KDM2A: variants seen among roughly 807,000 people sequenced by gnomAD.
KDM2A encodes lysine-specific demethylase 2A.
KDM2A carries 3 observed loss-of-function variants against 137.3 expected under a neutral mutation model. The ratio of observed to expected loss-of-function variants is 0.02; its 90% CI spans 0.01 to 0.06. The LOEUF is 0.06. Ranked by LOEUF, KDM2A falls within the 10% of genes least tolerant of loss-of-function variation. The pLI, the probability that KDM2A is intolerant of heterozygous loss-of-function variation, is 1.00. For missense variants in KDM2A, 738 were observed against 1,510.6 expected, an observed-to-expected ratio of 0.49 and a Z score of 8.48; for synonymous variants, 512 against 541.5, an observed-to-expected ratio of 0.95 and a Z score of 0.76.
In KDM2A at chr11:67,189,267, C is replaced by T. The variant is rs187139317; in HGVS notation, c.307+7375C>T. 2.6e-5 allele frequency among the ~76,000 whole-genome samples: 4 copies of T among 152,196 alleles called. No individual in the cohort carries two copies. In the East Asian group the frequency reaches 7.7e-4, roughly 29 times the overall value. On this transcript the variant is annotated intron_variant, in intron 5 of 20. Transcript: ENST00000529006. ...CAATAACAGGTAAAACTGGAAAGGT[C>T]ACAAAATTGTGGAATTTAACAATCA...
At chr11:67,128,320 G>T (rs767460351) in intron 2 of KDM2A, among the ~76,000 whole-genome samples, 1 of 151,736 alleles carries the variant, frequency 6.6e-6, no homozygotes. Flanking sequence ...GCCTGGACCC[G>T]TTCCCACTCT....
chr11:67,211,887 A>G (rs997471438), intron 6 of KDM2A, among the ~76,000 whole-genome samples: 5 of 152,122 alleles, frequency 3.3e-5, no homozygotes, highest in African/African-American at 1.2e-4. Context: ...ACCACATGCT[A>G]AGCACTGTCT....
chr11:67,175,490 A>G (rs1856957037), intron 2 of KDM2A, among the ~76,000 whole-genome samples: 1 of 152,236 alleles, frequency 6.6e-6, no homozygotes, highest in African/African-American at 2.4e-5. Flanking sequence ...TTCCAGTTGC[A>G]ATAATCAAAA....
At chr11:67,251,912 T>G (rs889241619) in intron 17 of KDM2A, among the ~76,000 whole-genome samples, 2 of 152,248 alleles carry the variant, frequency 1.3e-5, no homozygotes, top group African/African-American at 4.8e-5. Flanking sequence ...TGGCTCTACC[T>G]CTTGGTTTTC....
rs1401859772 is a variant in KDM2A at position 67,192,118 on chromosome 11, T to G, written c.307+10226T>G. Among the ~76,000 whole-genome samples, 5 of 152,312 alleles carry G rather than the reference T, an allele frequency of 3.3e-5. No individual in the cohort carries two copies. In the East Asian group the frequency reaches 5.8e-4, roughly 18 times the overall value. On this transcript the variant is annotated intron_variant, in intron 5 of 20. Coordinates refer to ENST00000529006, the MANE Select transcript of KDM2A (RefSeq NM_012308.3). ...TAAGAAATTAACCTTTTGCCATATTTACTTCATCTCTTTTTGCAGAAGTTT... is the reference window on the plus strand; with the variant it reads ...TAAGAAATTAACCTTTTGCCATATTGACTTCATCTCTTTTTGCAGAAGTTT...
chr11:67,235,978 A>AG (rs1236822708), intron 12 of KDM2A, among the ~76,000 whole-genome samples: 1 of 152,186 alleles, frequency 6.6e-6, no homozygotes, highest in East Asian at 1.9e-4. Context: ...TTGAATAAAA[A>AG]GGTAGGACAT....
In KDM2A at chr11:67,119,263, A is replaced by G. The variant is rs577881403; in HGVS notation, c.-870A>G. On this transcript the variant is annotated 5_prime_UTR_variant, in exon 1 of 21. An upstream start codon of the reference 5' UTR is lost. Transcript: ENST00000529006. ...AGTGCGCCTCGGAGGAGCTGTGTGT[A>G]TGTGAGAGTCTGACGGGTTCAAAAT... 31 of 154,666 alleles carry G rather than the reference A, an allele frequency of 2.0e-4. No individual in the cohort carries two copies. Among genetic ancestry groups the G allele is most frequent in the Non-Finnish European group, 3.9e-4 (27 of 69,726 alleles). The allele number at this position is 154,666 out of a possible 1,614,324, so 9.6% of individuals were successfully genotyped here.
At chr11:67,188,240 T>C (rs904936135) in intron 5 of KDM2A, among the ~76,000 whole-genome samples, 4 of 151,650 alleles carry the variant, frequency 2.6e-5, no homozygotes, top group African/African-American at 9.7e-5. Flanking sequence ...GCACTTGCCT[T>C]GGGAGGCCGA....
chr11:67,183,403 T>C (rs1857132002), intron 5 of KDM2A, among the ~76,000 whole-genome samples: 1 of 152,230 alleles, frequency 6.6e-6, no homozygotes, highest in African/African-American at 2.4e-5. Context: ...TGCATCAGAA[T>C]TGCTTGTGAT....
intron 2 of KDM2A, among the ~76,000 whole-genome samples, chr11:67,137,762 T>A (rs959508046): frequency 1.3e-5 from 2 of 152,106 alleles, no homozygotes; most frequent in African/African-American, 4.8e-5. Context: ...GGTAATTGGG[T>A]ATGATTCTGG....
chr11:67,122,875 CTG>C (rs1855630784), intron 2 of KDM2A, among the ~76,000 whole-genome samples: 1 of 151,690 alleles, frequency 6.6e-6, no homozygotes, highest in Non-Finnish European at 1.5e-5. Flanking sequence ...CGGGGTTTCA[CTG>C]TGTTAGCCAG....
At chr11:67,248,475 C>T (rs1859315477) in intron 16 of KDM2A, 105 bp downstream of exon 16, 3 of 685,794 alleles carry the variant, frequency 4.4e-6, no homozygotes, top group Non-Finnish European at 7.4e-6. Flanking sequence ...GTTTCTCTGA[C>T]CTAGGAGATT....
At position 67,257,769 on chromosome 11, in the gene KDM2A, G is replaced by C. The variant is rs1442278962; in HGVS notation, c.*2714G>C. 1 of 152,068 alleles carries C rather than the reference G, an allele frequency of 6.6e-6. No homozygotes were observed. Among genetic ancestry groups the C allele is most frequent in the African/African-American group, 2.4e-5 (1 of 41,404 alleles). The allele number at this position is 152,068 out of a possible 1,614,324, so 9.4% of individuals were successfully genotyped here. A position where few individuals can be genotyped will look rare whatever the true frequency, so the allele number is the denominator to read the frequency against. On this transcript the variant is annotated 3_prime_UTR_variant, in exon 21 of 21. Transcript: ENST00000529006. ...TCAATCTCCAATGTTGTGCTAAAAA[G>C]TTTAAATTAAATGTAAGCATTAAGG...
intron 2 of KDM2A, among the ~76,000 whole-genome samples, chr11:67,121,888 G>A: frequency 6.6e-6 from 1 of 152,198 alleles, no homozygotes; most frequent in East Asian, 1.9e-4. Context: ...AATACTGGAT[G>A]CTGATAAAGT....
intron 2 of KDM2A, among the ~76,000 whole-genome samples, chr11:67,122,865 C>T (rs1191847332): frequency 6.6e-6 from 1 of 151,502 alleles, no homozygotes; most frequent in African/African-American, 2.4e-5. Flanking sequence ...TTAGTAGAGA[C>T]GGGGTTTCAC....
chr11:67,211,591 G>A (rs1309197271), intron 6 of KDM2A, among the ~76,000 whole-genome samples: 1 of 114,942 alleles, frequency 8.7e-6, no homozygotes, highest in Non-Finnish European at 1.7e-5. Flanking sequence ...TCCAGCCTGG[G>A]TGACACAGTG....
At chr11:67,253,400 T>C in intron 18 of KDM2A, 53 bp from the exon 19 acceptor site, 1 of 1,526,528 alleles carries the variant, frequency 6.6e-7, no homozygotes, top group African/African-American at 1.4e-5. Context: ...GTTACGGCTC[T>C]GAGTATGCTG....
intron 5 of KDM2A, among the ~76,000 whole-genome samples, chr11:67,192,151 T>C (rs1304884365): frequency 6.6e-6 from 1 of 152,218 alleles, no homozygotes; most frequent in Admixed American, 6.5e-5. Context: ...TTTGTTAGCA[T>C]TGACATCCAC....
chr11:67,155,147 T>G (rs936404254), intron 2 of KDM2A, among the ~76,000 whole-genome samples: 1 of 152,162 alleles, frequency 6.6e-6, no homozygotes, highest in Non-Finnish European at 1.5e-5. Flanking sequence ...CCTGAGTAGC[T>G]GGGGTTGCAG....
Sources: allele counts gnomAD v4.1 joint callset (sites outside exome capture counted in the v4.1 genomes callset), GRCh38; gene constraint gnomAD v4.1.1; transcripts MANE v1.5; gene names NCBI Gene and HGNC (gene_info 2026-07-23, HGNC 2026-07-21).